CHTF8: variants seen among roughly 807,000 people sequenced by gnomAD.
CHTF8 encodes the protein chromosome transmission fidelity protein 8 homolog.
A neutral mutation model predicts 11.0 loss-of-function variants in CHTF8; 6 were observed. That is an observed-to-expected ratio of 0.55 (90% CI 0.30 to 1.08). The LOEUF is 1.08. Among genes scored for constraint, CHTF8 ranks in the 50% least tolerant of loss-of-function variants. The pLI is 0.07. For synonymous variants in CHTF8, 53 were observed against 60.5 expected, an observed-to-expected ratio of 0.88 and a Z score of 0.57; for missense variants, 140 against 153.1, an observed-to-expected ratio of 0.91 and a Z score of 0.45.
intron 1 of CHTF8, among the ~76,000 whole-genome samples, chr16:69,121,896 C>A (rs1181398223): frequency 6.6e-6 from 1 of 152,164 alleles, no homozygotes; most frequent in Non-Finnish European, 1.5e-5. Flanking sequence ...GTCTCGATCT[C>A]CTGACCTCGT....
chr16:69,123,117 C>CA (rs1250794467), intron 1 of CHTF8, among the ~76,000 whole-genome samples: 1 of 152,122 alleles, frequency 6.6e-6, no homozygotes, highest in East Asian at 1.9e-4. Context: ...ATGGAGTGAG[C>CA]AAAATCATAG....
rs374329386 is a variant in CHTF8, at chr16:69,122,230, A to G, written c.-35-737T>C. On this transcript the variant is annotated intron_variant, in intron 1 of 3. Transcript: ENST00000448552. ...ATATGAGATAGGGTTGCTTAAAATC[A>G]CCAATGGTCAACTGTATGTGCAAAA... Among the ~76,000 whole-genome samples, 56 of 152,328 alleles carry G rather than the reference A, an allele frequency of 3.7e-4. No individual in the cohort carries two copies. In the East Asian group the frequency reaches 4.8e-3, roughly 13 times the overall value.
At chr16:69,129,470 G>A (rs868769949) in intron 1 of CHTF8, among the ~76,000 whole-genome samples, 1 of 149,734 alleles carries the variant, frequency 6.7e-6, no homozygotes, top group South Asian at 2.1e-4. Flanking sequence ...GTAAAGTCCA[G>A]GCAGAACATT....
At chr16:69,122,744 G>T (rs1401966658) in intron 1 of CHTF8, among the ~76,000 whole-genome samples, 1 of 152,064 alleles carries the variant, frequency 6.6e-6, no homozygotes, top group Non-Finnish European at 1.5e-5. Context: ...GTTTCTTCAT[G>T]TTGGCCAGGC....
intron 1 of CHTF8, among the ~76,000 whole-genome samples, chr16:69,124,184 T>C (rs1597114987): frequency 6.6e-6 from 1 of 152,220 alleles, no homozygotes; most frequent in East Asian, 1.9e-4. Context: ...TTGGAGTACT[T>C]TGTAAGAACT....
intron 1 of CHTF8, among the ~76,000 whole-genome samples, chr16:69,126,798 C>A (rs1962091043): frequency 1.3e-5 from 2 of 152,150 alleles, no homozygotes; most frequent in South Asian, 4.1e-4. Context: ...TCCTGTAACA[C>A]CTGAATTCTG....
intron 1 of CHTF8, among the ~76,000 whole-genome samples, chr16:69,129,429 CAAA>C (rs11420871): frequency 4.0e-4 from 30 of 75,570 alleles, no homozygotes; most frequent in African/African-American, 6.8e-4. Context: ...GACTCCGTCA[CAAA>C]AAAAAAAAAA....
At position 69,118,418 on chromosome 16, in the gene CHTF8, G is replaced by A. The variant is rs757193734; in HGVS notation, c.*2007C>T. The A allele has an allele frequency of 6.2e-7, 1 of 1,613,628 alleles. No homozygotes were observed. Among genetic ancestry groups the A allele is most frequent in the Admixed American group, 1.7e-5 (1 of 59,998 alleles). On this transcript the variant is annotated 3_prime_UTR_variant, in exon 4 of 4. Transcript: ENST00000448552. ...CCAAGCTGCCCAGGTCAGAGCTACG[G>A]AAGCATGGTCCGTTCACCAACGCCA...
At chr16:69,124,194 T>A (rs984069768) in intron 1 of CHTF8, among the ~76,000 whole-genome samples, 1 of 152,154 alleles carries the variant, frequency 6.6e-6, no homozygotes, top group Non-Finnish European at 1.5e-5. Context: ...TTGTAAGAAC[T>A]GGACATTTTT....
Position 69,118,156 on chromosome 16 carries a change from C to CAAAA in CHTF8, c.*2268_*2269insTTTT. On this transcript the variant is annotated 3_prime_UTR_variant, in exon 4 of 4. Transcript: ENST00000448552. ...CCACCCTAATTCCCATATTCCCATC[C>CAAAA]ACATCAGTTTAAATTTTGAGGTTCT... The CAAAA allele has an allele frequency of 2.1e-6, 1 of 475,320 alleles. No homozygotes were observed. 29.4% of individuals were successfully genotyped at this position (475,320 alleles called of 1,614,324 possible). A position where few individuals can be genotyped will look rare whatever the true frequency, so the allele number is the denominator to read the frequency against.
chr16:69,123,878 A>C (rs1304837230), intron 1 of CHTF8, among the ~76,000 whole-genome samples: 1 of 148,918 alleles, frequency 6.7e-6, no homozygotes, highest in South Asian at 2.1e-4. Flanking sequence ...ACCTGAGGTC[A>C]GGAGTTTGAG....
rs995522774 is a variant in CHTF8 at position 69,118,012 on chromosome 16, C to G, written c.*2413G>C. 6.3e-6 allele frequency: 2 copies of G among 319,988 alleles called. No individual in the cohort carries two copies. Among genetic ancestry groups the G allele is most frequent in the African/African-American group, 4.2e-5 (2 of 47,296 alleles). The allele number at this position is 319,988 out of a possible 1,614,324, so 19.8% of individuals were successfully genotyped here. On this transcript the variant is annotated 3_prime_UTR_variant, in exon 4 of 4. Coordinates refer to ENST00000448552, the MANE Select transcript of CHTF8 (RefSeq NM_001039690.5). ...AACAAAACACAGTGACACCAGCAGCCCTCTCATCCCATTTATTAAAGAAAC... is the reference window on the plus strand; with the variant it reads ...AACAAAACACAGTGACACCAGCAGCGCTCTCATCCCATTTATTAAAGAAAC...
Position 69,120,631 on chromosome 16 carries a change from C to T in CHTF8, c.160G>A (p.Val54Met), listed in dbSNP as rs1472056403. The T allele has an allele frequency of 1.9e-6, 3 of 1,612,040 alleles. No individual in the cohort carries two copies. Among genetic ancestry groups the T allele is most frequent in the East Asian group, 2.2e-5 (1 of 44,806 alleles). Residue 54 changes from valine (V) to methionine (M), a missense_variant, in exon 4 of 4, where the codon GTG becomes ATG. Physicochemically the swap from Val to Met is conservative, Grantham distance 21. Coordinates refer to ENST00000448552, the MANE Select transcript of CHTF8 (RefSeq NM_001039690.5). The surrounding 1 kb of genome is among the most constrained non-coding windows in gnomAD (Gnocchi z 4.0). ...YTTEGIPVLI[V>M]GHHILYGKII... ...TTCCCATACAGGATATGATGCCCCA[C>T]GATCAGCACAGGGATTCCCTTTGGC...
At position 69,119,391 on chromosome 16, in the gene CHTF8, A is replaced by T. The variant is rs1455798252; in HGVS notation, c.*1034T>A. ...TGGGGCCAACTGGCCTTGAGAAATG[A>T]GCTGAATTAGGGCCTATGGGGCCAG... On this transcript the variant is annotated 3_prime_UTR_variant, in exon 4 of 4. Coordinates refer to ENST00000448552, the MANE Select transcript of CHTF8 (RefSeq NM_001039690.5). 2 of 702,886 alleles carry T rather than the reference A, an allele frequency of 2.8e-6. No individual in the cohort carries two copies. Among genetic ancestry groups the T allele is most frequent in the Non-Finnish European group, 5.2e-6 (2 of 384,914 alleles). The allele number at this position is 702,886 out of a possible 1,614,324, so 43.5% of individuals were successfully genotyped here.
chr16:69,126,227 C>T (rs976628601), intron 1 of CHTF8, among the ~76,000 whole-genome samples: 1 of 152,192 alleles, frequency 6.6e-6, no homozygotes, highest in African/African-American at 2.4e-5. Flanking sequence ...GAGACAGAGC[C>T]TACTTCCTGA....
At position 69,118,137 on chromosome 16, in the gene CHTF8, T is replaced by TA; in HGVS notation, c.*2287dup. On this transcript the variant is annotated 3_prime_UTR_variant, in exon 4 of 4. Transcript: ENST00000448552. Reference sequence around the variant, plus strand: ...TTCCCTTCATCCCCCACCCCCACCCTAATTCCCATATTCCCATCCACATCA... The same window carrying TA: ...TTCCCTTCATCCCCCACCCCCACCCTAAATTCCCATATTCCCATCCACATCA... The TA allele has an allele frequency of 1.2e-5, 1 of 86,122 alleles. No homozygotes were observed. The highest frequency in any genetic ancestry group is 2.4e-5 in the Non-Finnish European group (1 of 42,040). 5.3% of individuals were successfully genotyped at this position (86,122 alleles called of 1,614,324 possible).
intron 1 of CHTF8, among the ~76,000 whole-genome samples, chr16:69,124,025 A>T (rs1392473527): frequency 6.6e-6 from 1 of 151,928 alleles, no homozygotes; most frequent in Non-Finnish European, 1.5e-5. Context: ...ACTCAGTGGA[A>T]CCTGGGAGAT....
chr16:69,121,373 A>G (rs377631210), intron 2 of CHTF8, 63 bp downstream of exon 2: 2 of 1,436,826 alleles, frequency 1.4e-6, no homozygotes, highest in Non-Finnish European at 1.9e-6. Context: ...TTCCAGACAC[A>G]TGGCACACCT....
chr16:69,128,271 G>C (rs552583131), intron 1 of CHTF8, among the ~76,000 whole-genome samples: 1 of 152,246 alleles, frequency 6.6e-6, no homozygotes, highest in South Asian at 2.1e-4. Context: ...CATGTCTTTC[G>C]TTAGGAACAA....
Sources: allele counts gnomAD v4.1 joint callset (sites outside exome capture counted in the v4.1 genomes callset), GRCh38; gene constraint gnomAD v4.1.1; non-coding constraint Gnocchi (gnomAD v3.1); transcripts MANE v1.5; gene names NCBI Gene and HGNC (gene_info 2026-07-23, HGNC 2026-07-21).